LPP: variants seen among roughly 807,000 people sequenced by gnomAD.
LPP encodes the protein lipoma-preferred partner.
LPP carries 38 observed loss-of-function variants against 60.4 expected under a neutral mutation model. That is an observed-to-expected ratio of 0.63 (90% CI 0.49 to 0.83). The LOEUF is 0.83. LPP is among the 40% of genes least tolerant of loss of function. The pLI, the probability that LPP is intolerant of heterozygous loss-of-function variation, is 0.00. For missense variants in LPP, 902 were observed against 783.6 expected, an observed-to-expected ratio of 1.15 and a Z score of -1.80; for synonymous variants, 328 against 290.8, an observed-to-expected ratio of 1.13 and a Z score of -1.30.
chr3:188,406,213 C>T lies in LPP; in HGVS notation c.93C>T (p.Asn31=). ...TGGAGACCACCCATTCCTTTGGGAA[C>T]CCCAGCATTTCAGTGTCTACACAAC... is the stretch of plus-strand genomic sequence containing the variant. ...ARMETTHSFG[N]PSISVSTQQP... is the part of the protein sequence containing the mutation. Residue 31 remains asparagine, a synonymous_variant, in exon 4 of 12, where the codon AAC becomes AAT. Transcript: ENST00000617246. 1 of 1,614,160 alleles carries T rather than the reference C, an allele frequency of 6.2e-7. No homozygotes were observed. Among genetic ancestry groups the T allele is most frequent in the Admixed American group, 1.7e-5 (1 of 60,018 alleles).
At chr3:188,777,962 T>C (rs1738368537) in intron 9 of LPP, among the ~76,000 whole-genome samples, 1 of 152,152 alleles carries the variant, frequency 6.6e-6, no homozygotes, top group African/African-American at 2.4e-5. Flanking sequence ...ATTTAGAGAG[T>C]TGTGCTTGTA....
intron 7 of LPP, among the ~76,000 whole-genome samples, chr3:188,671,306 T>A (rs1856909197): frequency 6.6e-6 from 1 of 152,252 alleles, no homozygotes; most frequent in Non-Finnish European, 1.5e-5. Flanking sequence ...TTTGGCATAT[T>A]ATCCCTTGTC....
At chr3:188,516,296 T>C (rs1426264) in intron 5 of LPP, among the ~76,000 whole-genome samples, 144,882 of 152,216 alleles carry the variant, frequency 0.95, 69,058 homozygotes, top group East Asian at 1. Flanking sequence ...CATAAAATGA[T>C]ATTTCTATTA....
intron 6 of LPP, among the ~76,000 whole-genome samples, chr3:188,583,215 G>C (rs1300412637): frequency 3.9e-5 from 6 of 152,140 alleles, no homozygotes; most frequent in Admixed American, 1.3e-4. Context: ...AACAGTAATT[G>C]AACTTTTCTT....
intron 2 of LPP, among the ~76,000 whole-genome samples, chr3:188,291,705 G>A (rs981882633): frequency 6.6e-6 from 1 of 151,820 alleles, no homozygotes; most frequent in Non-Finnish European, 1.5e-5. Flanking sequence ...TGTGTGGGGG[G>A]CTTGTAGCTT....
chr3:188,216,171 G>T (rs1394895341), intron 1 of LPP, among the ~76,000 whole-genome samples: 3 of 151,996 alleles, frequency 2.0e-5, no homozygotes, highest in Non-Finnish European at 2.9e-5. Flanking sequence ...ATAGATATGT[G>T]GCATGATATC....
chr3:188,432,847 G>A (rs1307861087), intron 4 of LPP, among the ~76,000 whole-genome samples: 1 of 152,084 alleles, frequency 6.6e-6, no homozygotes, highest in East Asian at 1.9e-4. Flanking sequence ...TGGGAGGATT[G>A]GACAAGAGCC....
intron 6 of LPP, among the ~76,000 whole-genome samples, chr3:188,599,013 G>T (rs1840538024): frequency 6.6e-6 from 1 of 152,052 alleles, no homozygotes; most frequent in Admixed American, 6.6e-5. Flanking sequence ...ATGGAAATAG[G>T]CTCTTCTCTC....
chr3:188,241,810 T>G, intron 2 of LPP, among the ~76,000 whole-genome samples: 1 of 152,220 alleles, frequency 6.6e-6, no homozygotes, highest in East Asian at 1.9e-4. Flanking sequence ...AGAAAGAGTT[T>G]ATTTTCCCTA....
Position 188,622,045 on chromosome 3 carries a change from T to A in LPP, c.1113+12201T>A, listed in dbSNP as rs75765955. Among the ~76,000 whole-genome samples, 801 of 152,324 alleles carry A rather than the reference T, an allele frequency of 5.3e-3. 1 individual carries two copies. The highest frequency in any genetic ancestry group is 0.01 in the Middle Eastern group (3 of 292). ...AGGTGAAAGATGAAAGTTTTGTCTA[T>A]TTCTATTTCTATGATGAAATCAGTT... On this transcript the variant is annotated intron_variant, in intron 7 of 11. Coordinates refer to ENST00000617246, the MANE Select transcript of LPP (RefSeq NM_001375462.1).
intron 1 of LPP, among the ~76,000 whole-genome samples, chr3:188,156,080 A>G (rs1033963351): frequency 3.9e-5 from 6 of 152,152 alleles, no homozygotes; most frequent in Non-Finnish European, 7.4e-5. Flanking sequence ...AATTTCTACA[A>G]TGCAGGCCCC....
intron 1 of LPP, among the ~76,000 whole-genome samples, chr3:188,197,275 A>C (rs1245277716): frequency 1.3e-5 from 2 of 152,140 alleles, no homozygotes; most frequent in Admixed American, 6.5e-5. Flanking sequence ...CATGTTCTGC[A>C]GGACTGAAGG....
chr3:188,247,324 G>C (rs1727334705), intron 2 of LPP: 4 of 198,322 alleles, frequency 2.0e-5, no homozygotes, highest in Non-Finnish European at 3.6e-5. Context: ...TAGTTGGTAG[G>C]AGAGCAATAC....
intron 3 of LPP, among the ~76,000 whole-genome samples, chr3:188,382,072 G>C (rs916735201): frequency 1.3e-5 from 2 of 151,970 alleles, no homozygotes; most frequent in African/African-American, 4.8e-5. Flanking sequence ...ACAGGCATAA[G>C]CCATCATGTT....
rs571795108 is a variant in LPP, at chr3:188,689,087, A to G, written c.1114-19180A>G. Among the ~76,000 whole-genome samples, 8 of 152,340 alleles carry G rather than the reference A, an allele frequency of 5.3e-5. No homozygotes were observed. In the East Asian group the frequency reaches 7.7e-4, roughly 15 times the overall value. On this transcript the variant is annotated intron_variant, in intron 7 of 11. Transcript: ENST00000617246. ...CCTCCTCTATCTCTGTGCCTGGTAC[A>G]TGGTAAACATTCAGGACACTTCTGC...
At chr3:188,241,649 A>G (rs988136624) in intron 2 of LPP, among the ~76,000 whole-genome samples, 2 of 152,168 alleles carry the variant, frequency 1.3e-5, no homozygotes, top group Non-Finnish European at 2.9e-5. Flanking sequence ...CTGAAAAATA[A>G]AAGATTTCCT....
chr3:188,567,231 C>T (rs1008744877), intron 6 of LPP, among the ~76,000 whole-genome samples: 1 of 151,812 alleles, frequency 6.6e-6, no homozygotes, highest in Admixed American at 6.6e-5. Flanking sequence ...GTCATTAAAG[C>T]TTTTATGTAA....
chr3:188,670,655 C>T (rs901466728), intron 7 of LPP, among the ~76,000 whole-genome samples: 1 of 152,176 alleles, frequency 6.6e-6, no homozygotes, highest in African/African-American at 2.4e-5. Context: ...ACTTCCTCTT[C>T]CACTGTATAA....
At chr3:188,695,702 C>T (rs1863100976) in intron 7 of LPP, among the ~76,000 whole-genome samples, 1 of 152,188 alleles carries the variant, frequency 6.6e-6, no homozygotes, top group African/African-American at 2.4e-5. Flanking sequence ...TTTGAACCAG[C>T]TTGTTCTGCC....
Sources: allele counts gnomAD v4.1 joint callset (sites outside exome capture counted in the v4.1 genomes callset), GRCh38; gene constraint gnomAD v4.1.1; transcripts MANE v1.5; gene names NCBI Gene and HGNC (gene_info 2026-07-23, HGNC 2026-07-21).